The following NAALADL2 variants were observed in gnomAD, a reference collection of about 807,000 sequenced individuals.
NAALADL2 encodes N-acetylated alpha-linked acidic dipeptidase like 2, also known as inactive N-acetylated-alpha-linked acidic dipeptidase-like protein 2.
A neutral mutation model predicts 87.2 loss-of-function variants in NAALADL2; 76 were observed. The ratio of observed to expected loss-of-function variants is 0.87; its 90% confidence interval spans 0.72 to 1.05. The LOEUF (loss-of-function observed/expected upper bound fraction) is 1.05. Ranked by LOEUF, NAALADL2 falls within the 50% of genes least tolerant of loss-of-function variation. The pLI, the probability that NAALADL2 is intolerant of heterozygous loss-of-function variation, is 0.00. For missense variants in NAALADL2, 1,089 were observed against 945.8 expected (o/e 1.15, Z -1.99); for synonymous variants, 354 against 331.0 (o/e 1.07, Z -0.75).
chr3:175,281,472 AT>A (rs1342962365), intron 4 of NAALADL2, among the ~76,000 whole-genome samples: 1 of 151,920 alleles, frequency 6.6e-6, no homozygotes, highest in East Asian at 1.9e-4. Context: ...CTTTATCCAA[AT>A]TTATTGATCA....
At chr3:175,479,549 GT>G (rs1356939536) in intron 9 of NAALADL2, among the ~76,000 whole-genome samples, 1 of 151,710 alleles carries the variant, frequency 6.6e-6, no homozygotes, top group African/African-American at 2.4e-5. Context: ...CAAAAACGAA[GT>G]TTCCAATATC....
chr3:174,741,080 A>G (rs1420592071), intron 3 of NAALADL2, among the ~76,000 whole-genome samples: 2 of 151,798 alleles, frequency 1.3e-5, no homozygotes, highest in East Asian at 1.9e-4. Flanking sequence ...CTGGTTTCAT[A>G]TACAATCTTA....
rs913261859 is a variant in NAALADL2, at chr3:174,646,201, GA to G, written c.-114-91431del. On this transcript the variant is annotated intron_variant, in intron 2 of 3. Transcript: ENST00000434257. ...TATAATTTGAAATAACTGGGCAGTT[GA>G]AAAAAAAATTCTTGAGCAGGACCAT... Among the ~76,000 whole-genome samples the G allele has an allele frequency of 5.3e-5, 8 of 151,342 alleles. No individual in the cohort carries two copies. The East Asian group carries it at 1.2e-3, about 22-fold the overall frequency.
intron 5 of NAALADL2, among the ~76,000 whole-genome samples, chr3:175,373,196 C>G (rs951270027): frequency 1.3e-5 from 2 of 152,060 alleles, no homozygotes; most frequent in African/African-American, 2.4e-5. Context: ...AAAAAAAGCA[C>G]CCAATTAAAT....
At chr3:174,685,289 C>T (rs1727927715) in intron 2 of NAALADL2, among the ~76,000 whole-genome samples, 1 of 152,058 alleles carries the variant, frequency 6.6e-6, no homozygotes, top group Non-Finnish European at 1.5e-5. Context: ...CTCCCTTTGC[C>T]CAGGCCCAAA....
At chr3:175,108,752 ATATT>A (rs1723680150) in intron 2 of NAALADL2, among the ~76,000 whole-genome samples, 1 of 152,000 alleles carries the variant, frequency 6.6e-6, no homozygotes, top group Non-Finnish European at 1.5e-5. Flanking sequence ...TCTGAAAGGT[ATATT>A]TTAATTAAAC....
chr3:174,766,421 C>T lies in NAALADL2; in HGVS notation c.-9+28675C>T, dbSNP rs868417841. 7.2e-5 allele frequency among the ~76,000 whole-genome samples: 11 copies of T among 152,216 alleles called. No homozygotes were observed. In the Middle Eastern group the frequency reaches 0.01, roughly 141 times the overall value. ...CTTCAGTGTATCGCTCAGGCTCTTG[C>T]GAGGTGTGAGTCAGAAATGAAATAC... On this transcript the variant is annotated intron_variant, in intron 3 of 3. Transcript: ENST00000434257.
At chr3:174,846,845 G>T (rs1347827069) in intron 3 of NAALADL2, among the ~76,000 whole-genome samples, 1 of 152,112 alleles carries the variant, frequency 6.6e-6, no homozygotes, top group Non-Finnish European at 1.5e-5. Context: ...TGGCATGATT[G>T]CTATGTTTTA....
intron 1 of NAALADL2, among the ~76,000 whole-genome samples, chr3:174,489,288 G>T (rs942897009): frequency 3.3e-5 from 5 of 151,934 alleles, no homozygotes; most frequent in Non-Finnish European, 5.9e-5. Context: ...ATATCAACAT[G>T]CAGAGAATGA....
At chr3:175,513,593 A>T (rs931289870) in intron 9 of NAALADL2, among the ~76,000 whole-genome samples, 5 of 152,208 alleles carry the variant, frequency 3.3e-5, no homozygotes, top group Non-Finnish European at 7.3e-5. Flanking sequence ...GAATATATGT[A>T]AAAAACAAGC....
At chr3:175,510,624 G>A (rs1415038961) in intron 9 of NAALADL2, among the ~76,000 whole-genome samples, 3 of 152,080 alleles carry the variant, frequency 2.0e-5, no homozygotes, top group Admixed American at 6.6e-5. Flanking sequence ...AGTCACTTTT[G>A]CAACAACTCC....
intron 9 of NAALADL2, among the ~76,000 whole-genome samples, chr3:175,574,869 T>C (rs62285569): frequency 2.0e-5 from 3 of 152,042 alleles, no homozygotes; most frequent in Non-Finnish European, 4.4e-5. Flanking sequence ...GAGTACATAC[T>C]TTATGCGCTT....
intron 2 of NAALADL2, among the ~76,000 whole-genome samples, chr3:174,611,242 C>T (rs1192108538): frequency 2.0e-5 from 3 of 151,672 alleles, no homozygotes; most frequent in Non-Finnish European, 4.4e-5. Flanking sequence ...GTGCAGCACA[C>T]CAGTATGGCA....
At chr3:174,778,567 T>C (rs576596395) in intron 3 of NAALADL2, among the ~76,000 whole-genome samples, 105 of 152,152 alleles carry the variant, frequency 6.9e-4, no homozygotes, top group African/African-American at 2.4e-3. Flanking sequence ...TGTGCCATGG[T>C]GGTTTGCTGC....
At chr3:175,486,930 C>G (rs954121823) in intron 9 of NAALADL2, among the ~76,000 whole-genome samples, 5 of 152,132 alleles carry the variant, frequency 3.3e-5, no homozygotes, top group African/African-American at 1.2e-4. Context: ...TCCCTCCACT[C>G]TTATCCCATC....
chr3:175,449,529 G>T (rs1721230030), intron 6 of NAALADL2, among the ~76,000 whole-genome samples: 1 of 151,786 alleles, frequency 6.6e-6, no homozygotes, highest in African/African-American at 2.4e-5. Context: ...AAGTAGCTGG[G>T]ACTACAGGTG....
chr3:175,278,018 C>T (rs1269421211), intron 4 of NAALADL2, among the ~76,000 whole-genome samples: 7 of 152,200 alleles, frequency 4.6e-5, no homozygotes, highest in African/African-American at 9.6e-5. Flanking sequence ...CTCAGCTACT[C>T]GGGAGGCTGA....
chr3:175,404,979 G>A (rs1712049259), intron 5 of NAALADL2, among the ~76,000 whole-genome samples: 1 of 152,022 alleles, frequency 6.6e-6, no homozygotes, highest in African/African-American at 2.4e-5. Context: ...CAAATTAGAT[G>A]ACTTGAAATA....
At chr3:175,094,753 CTATAGTGTGTGTGTGTG>C (rs1202230150) in intron 1 of NAALADL2, among the ~76,000 whole-genome samples, 1 of 74,386 alleles carries the variant, frequency 1.3e-5, no homozygotes, top group African/African-American at 6.0e-5. Flanking sequence ...GCACCAGACA[CTATAGTGTGTGTGTGTG>C]TGTGTGTGTG....
Sources: allele counts gnomAD v4.1 joint callset (sites outside exome capture counted in the v4.1 genomes callset), GRCh38; gene constraint gnomAD v4.1.1; transcripts MANE v1.5; gene names NCBI Gene and HGNC (gene_info 2026-07-23, HGNC 2026-07-21).